B3GALT1: variants seen among roughly 807,000 people sequenced by gnomAD.
The protein encoded by B3GALT1 is UDP-Gal:betaGlcNAc beta 1,3-galactosyltransferase, polypeptide 1.
Under a neutral mutation model 23.2 loss-of-function variants are expected in B3GALT1, and 10 were observed. The ratio of observed to expected loss-of-function variants is 0.43; its 90% CI spans 0.27 to 0.73. The LOEUF (loss-of-function observed/expected upper bound fraction) is 0.73. Among genes scored for constraint, B3GALT1 ranks in the 30% least tolerant of loss-of-function variants. B3GALT1 has a pLI of 0.21. For missense variants in B3GALT1, 299 were observed against 405.4 expected (o/e 0.74, Z 2.25); for synonymous variants, 156 against 141.5 (o/e 1.10, Z -0.73).
At chr2:167,750,621 G>T (rs1162328592) in intron 3 of B3GALT1, among the ~76,000 whole-genome samples, 2 of 151,246 alleles carry the variant, frequency 1.3e-5, no homozygotes, top group African/African-American at 4.9e-5. Flanking sequence ...GTCCCCTCAG[G>T]TGTCATATGA....
At chr2:167,703,639 G>A (rs1686916789) in intron 3 of B3GALT1, among the ~76,000 whole-genome samples, 1 of 152,144 alleles carries the variant, frequency 6.6e-6, no homozygotes, top group Middle Eastern at 3.2e-3. Context: ...TTGTAAGAAA[G>A]CAGAAACGCT....
intron 3 of B3GALT1, among the ~76,000 whole-genome samples, chr2:167,665,489 G>C (rs1052294195): frequency 2.0e-5 from 3 of 150,994 alleles, no homozygotes; most frequent in Non-Finnish European, 4.4e-5. Flanking sequence ...AAATGAGTTA[G>C]GGAGGATTCC....
intron 3 of B3GALT1, among the ~76,000 whole-genome samples, chr2:167,731,036 A>G (rs76883093): frequency 0.14 from 21,029 of 152,164 alleles, 1,917 homozygotes; most frequent in East Asian, 0.41. Context: ...CAAGCTAGTA[A>G]GTGGTGCAGT....
intron 3 of B3GALT1, among the ~76,000 whole-genome samples, chr2:167,682,101 T>G (rs1686540289): frequency 6.6e-6 from 1 of 152,120 alleles, no homozygotes; most frequent in Admixed American, 6.6e-5. Flanking sequence ...ATGACTCACT[T>G]CTCCCCATCC....
At chr2:167,864,647 C>G (rs1025472632) in intron 4 of B3GALT1, among the ~76,000 whole-genome samples, 1 of 152,190 alleles carries the variant, frequency 6.6e-6, no homozygotes, top group African/African-American at 2.4e-5. Flanking sequence ...CTTTCCCATC[C>G]AAGATATTGC....
intron 1 of B3GALT1, among the ~76,000 whole-genome samples, chr2:167,374,717 A>G (rs1010224890): frequency 6.6e-6 from 1 of 152,010 alleles, no homozygotes; most frequent in African/African-American, 2.4e-5. Context: ...GCTTGTTTAA[A>G]TGTTTAAGTT....
chr2:167,672,156 A>G (rs1686342274), intron 3 of B3GALT1, among the ~76,000 whole-genome samples: 1 of 152,274 alleles, frequency 6.6e-6, no homozygotes, highest in African/African-American at 2.4e-5. Context: ...AATTTTTCAG[A>G]AAGTTTCCAG....
At chr2:167,793,923 C>G (rs1175688319) in intron 3 of B3GALT1, among the ~76,000 whole-genome samples, 1 of 152,190 alleles carries the variant, frequency 6.6e-6, no homozygotes. Flanking sequence ...AGAGATGAAG[C>G]AATCAGACCT....
At chr2:167,861,812 A>C (rs1690106856) in intron 4 of B3GALT1, among the ~76,000 whole-genome samples, 1 of 152,204 alleles carries the variant, frequency 6.6e-6, no homozygotes, top group African/African-American at 2.4e-5. Context: ...GCATTTCCAA[A>C]TCTACTTCAT....
intron 2 of B3GALT1, among the ~76,000 whole-genome samples, chr2:167,523,425 C>G (rs1683149978): frequency 7.9e-6 from 1 of 126,876 alleles, no homozygotes; most frequent in East Asian, 5.9e-4. Context: ...CTTGTGTATC[C>G]CTTTTTTTTT....
intron 1 of B3GALT1, among the ~76,000 whole-genome samples, chr2:167,420,355 C>T (rs1053923077): frequency 3.9e-5 from 6 of 152,076 alleles, no homozygotes; most frequent in Non-Finnish European, 7.4e-5. Context: ...AACTAACAAA[C>T]GTAACTACAA....
At position 167,872,213 on chromosome 2, in the gene B3GALT1, T is replaced by C. The variant is rs976240405; in HGVS notation, c.*2193T>C. The C allele has an allele frequency of 6.6e-6, 1 of 152,138 alleles. No homozygotes were observed. Among genetic ancestry groups the C allele is most frequent in the Non-Finnish European group, 1.5e-5 (1 of 68,164 alleles). The allele number at this position is 152,138 out of a possible 1,614,324, so 9.4% of individuals were successfully genotyped here. ...CACCGCGCCCGGCCCTATTTACTTA[T>C]TTTTTAACCTGACCCCTGGAGCCCC... On this transcript the variant is annotated 3_prime_UTR_variant, in exon 5 of 5. Coordinates refer to ENST00000392690, the MANE Select transcript of B3GALT1 (RefSeq NM_020981.4).
intron 3 of B3GALT1, among the ~76,000 whole-genome samples, chr2:167,687,221 C>T (rs538788368): frequency 1.8e-4 from 27 of 152,290 alleles, no homozygotes; most frequent in African/African-American, 6.3e-4. Context: ...TGTTTCATAG[C>T]CAGCAACTCT....
chr2:167,809,565 C>T (rs1688833930), intron 3 of B3GALT1, among the ~76,000 whole-genome samples: 1 of 152,174 alleles, frequency 6.6e-6, no homozygotes, highest in Admixed American at 6.5e-5. Context: ...ACCCTGTTTG[C>T]CTGGGTATCA....
chr2:167,443,248 A>T (rs1425342845), intron 1 of B3GALT1, among the ~76,000 whole-genome samples: 1 of 152,072 alleles, frequency 6.6e-6, no homozygotes, highest in East Asian at 1.9e-4. Context: ...CTGTTTTGGT[A>T]CCAGTACCAT....
chr2:167,678,856 GAC>G (rs1221452452), intron 3 of B3GALT1, among the ~76,000 whole-genome samples: 1 of 152,140 alleles, frequency 6.6e-6, no homozygotes, highest in Non-Finnish European at 1.5e-5. Flanking sequence ...TTATTTGGTA[GAC>G]AGTTTGCTTC....
chr2:167,346,858 G>A (rs1305072957), intron 1 of B3GALT1, among the ~76,000 whole-genome samples: 1 of 151,684 alleles, frequency 6.6e-6, no homozygotes, highest in African/African-American at 2.4e-5. Flanking sequence ...TATATGGAGG[G>A]GAAAAAACAA....
chr2:167,660,761 C>G (rs747453226), intron 3 of B3GALT1, among the ~76,000 whole-genome samples: 6 of 152,100 alleles, frequency 3.9e-5, no homozygotes, highest in Non-Finnish European at 8.8e-5. Flanking sequence ...CTGACATTTT[C>G]TTTAGCTTAT....
At chr2:167,705,646 T>C (rs935026493) in intron 3 of B3GALT1, among the ~76,000 whole-genome samples, 2 of 152,192 alleles carry the variant, frequency 1.3e-5, no homozygotes, top group Admixed American at 6.5e-5. Flanking sequence ...CAGCTAGAGC[T>C]GTAACAATAT....
Sources: allele counts gnomAD v4.1 joint callset (sites outside exome capture counted in the v4.1 genomes callset), GRCh38; gene constraint gnomAD v4.1.1; transcripts MANE v1.5; gene names NCBI Gene and HGNC (gene_info 2026-07-23, HGNC 2026-07-21).